Variants in FHIT observed in about 807,000 individuals in gnomAD.
FHIT encodes the protein fragile histidine triad diadenosine triphosphatase.
FHIT carries 19 observed loss-of-function variants against 17.9 expected under a neutral mutation model. The ratio of observed to expected loss-of-function variants is 1.06; its 90% confidence interval spans 0.74 to 1.56. FHIT has a LOEUF of 1.56. FHIT is among the 40% of genes most tolerant of loss of function. The probability of loss-of-function intolerance (pLI) is 0.00; values close to 1 mark genes in which losing one functional copy is unlikely to be tolerated. For synonymous variants in FHIT, 81 were observed against 69.7 expected (o/e 1.16, Z -0.81); for missense variants, 248 against 189.2 (o/e 1.31, Z -1.82).
At chr3:59,857,758 T>C (rs925709248) in intron 8 of FHIT, among the ~76,000 whole-genome samples, 19 of 151,430 alleles carry the variant, frequency 1.3e-4, no homozygotes, top group Admixed American at 3.3e-4. Flanking sequence ...CTTTGTACTA[T>C]TGGTGCCTTG....
chr3:60,398,782 G>A (rs1022631401), intron 5 of FHIT, among the ~76,000 whole-genome samples: 1 of 151,980 alleles, frequency 6.6e-6, no homozygotes, highest in African/African-American at 2.4e-5. Flanking sequence ...TGATTTCATA[G>A]GAGTTAAGAA....
intron 5 of FHIT, among the ~76,000 whole-genome samples, chr3:60,221,821 T>C (rs1703973857): frequency 6.6e-6 from 1 of 152,160 alleles, no homozygotes; most frequent in South Asian, 2.1e-4. Flanking sequence ...CTATCCTATC[T>C]GTAGCAACCA....
chr3:59,951,386 C>G (rs1363790772), intron 7 of FHIT, among the ~76,000 whole-genome samples: 3 of 152,208 alleles, frequency 2.0e-5, no homozygotes, highest in African/African-American at 7.2e-5. Context: ...GAGTTGACAA[C>G]TTTCATGGCC....
intron 4 of FHIT, among the ~76,000 whole-genome samples, chr3:60,620,861 T>C (rs890210793): frequency 3.3e-5 from 5 of 152,104 alleles, no homozygotes; most frequent in Admixed American, 2.0e-4. Flanking sequence ...ACCACACTAA[T>C]GCAAGTGTTA....
chr3:61,019,831 G>C (rs1459501687), intron 3 of FHIT, among the ~76,000 whole-genome samples: 1 of 152,058 alleles, frequency 6.6e-6, no homozygotes, highest in Non-Finnish European at 1.5e-5. Context: ...TAAAAGGAAT[G>C]TCAAGGTAAC....
intron 4 of FHIT, among the ~76,000 whole-genome samples, chr3:60,661,930 G>C (rs1577041432): frequency 6.6e-6 from 1 of 152,116 alleles, no homozygotes; most frequent in Non-Finnish European, 1.5e-5. Context: ...ATTTGTTTGA[G>C]TTCCTTATAG....
intron 5 of FHIT, among the ~76,000 whole-genome samples, chr3:60,023,944 A>T (rs745332972): frequency 1.3e-5 from 2 of 152,004 alleles, no homozygotes; most frequent in African/African-American, 2.4e-5. Context: ...ACCAGTCCAG[A>T]CTCAACTTAC....
intron 5 of FHIT, among the ~76,000 whole-genome samples, chr3:60,162,076 A>G (rs1293028279): frequency 6.6e-6 from 1 of 152,188 alleles, no homozygotes; most frequent in Non-Finnish European, 1.5e-5. Context: ...AAGTATGGAA[A>G]GCCCTAGAAA....
chr3:60,398,037 G>C (rs116554777), intron 5 of FHIT, among the ~76,000 whole-genome samples: 1,665 of 152,106 alleles, frequency 0.011, 25 homozygotes, highest in African/African-American at 0.038. Context: ...TCTTTGCTGA[G>C]AGCTTTCTTT....
At chr3:59,973,941 G>C (rs564237450) in intron 7 of FHIT, among the ~76,000 whole-genome samples, 25 of 151,738 alleles carry the variant, frequency 1.6e-4, no homozygotes, top group African/African-American at 4.8e-4. Context: ...CACAGGGGTA[G>C]TGTGGCATCT....
chr3:60,701,450 T>G (rs2041244821), intron 4 of FHIT, among the ~76,000 whole-genome samples: 1 of 152,098 alleles, frequency 6.6e-6, no homozygotes, highest in Non-Finnish European at 1.5e-5. Flanking sequence ...ATCCAAACTT[T>G]TAAGAATAAT....
intron 5 of FHIT, among the ~76,000 whole-genome samples, chr3:60,460,897 C>A (rs1448584528): frequency 6.6e-6 from 1 of 152,164 alleles, no homozygotes; most frequent in Admixed American, 6.5e-5. Context: ...AGTAGTGAAT[C>A]AACTTAAGTA....
intron 7 of FHIT, among the ~76,000 whole-genome samples, chr3:60,009,074 T>A (rs1218625048): frequency 6.6e-6 from 1 of 152,082 alleles, no homozygotes; most frequent in Non-Finnish European, 1.5e-5. Flanking sequence ...GATACAAAGA[T>A]CGCATTTTGA....
intron 5 of FHIT, among the ~76,000 whole-genome samples, chr3:60,396,424 C>T (rs553455578): frequency 2.3e-4 from 35 of 151,982 alleles, no homozygotes; most frequent in Non-Finnish European, 4.7e-4. Context: ...AATGAGACAG[C>T]GATGAAAAAC....
At chr3:60,252,949 G>C (rs1054994100) in intron 5 of FHIT, among the ~76,000 whole-genome samples, 8 of 152,066 alleles carry the variant, frequency 5.3e-5, no homozygotes, top group African/African-American at 1.9e-4. Context: ...AGTGAGCCGA[G>C]ATAGCGCCAC....
At chr3:59,970,070 T>A (rs774055971) in intron 7 of FHIT, among the ~76,000 whole-genome samples, 1 of 152,062 alleles carries the variant, frequency 6.6e-6, no homozygotes, top group Admixed American at 6.6e-5. Flanking sequence ...AAGTCTCATC[T>A]ATTTCCATTT....
At position 60,441,783 on chromosome 3, in the gene FHIT, A is replaced by AATAT. The variant is rs71092605; in HGVS notation, c.103+95073_103+95076dup. On this transcript the variant is annotated intron_variant, in intron 5 of 9. Transcript: ENST00000492590. ...ATATATATATATTTATATGTATAAA[A>AATAT]ATATATATATATATATATATATATA... 3.3e-3 allele frequency among the ~76,000 whole-genome samples: 78 copies of AATAT among 23,972 alleles called. 1 individual carries two copies. Among genetic ancestry groups the AATAT allele is most frequent in the African/African-American group, 5.5e-3 (74 of 13,478 alleles). The allele number at this position is 23,972 out of a possible 152,430, so 15.7% of individuals were successfully genotyped here. A position where few individuals can be genotyped will look rare whatever the true frequency, so the allele number is the denominator to read the frequency against.
At chr3:60,897,894 C>A (rs1406090665) in intron 3 of FHIT, among the ~76,000 whole-genome samples, 1 of 152,158 alleles carries the variant, frequency 6.6e-6, no homozygotes, top group Non-Finnish European at 1.5e-5. Context: ...CATACTTTCA[C>A]AAAGCAAGAA....
chr3:60,437,277 G>A (rs565401409), intron 5 of FHIT, among the ~76,000 whole-genome samples: 22 of 152,096 alleles, frequency 1.4e-4, no homozygotes, highest in Non-Finnish European at 2.8e-4. Context: ...TGATGTCACT[G>A]AGGCAGAGAG....
Sources: allele counts gnomAD v4.1 joint callset (sites outside exome capture counted in the v4.1 genomes callset), GRCh38; gene constraint gnomAD v4.1.1; transcripts MANE v1.5; gene names NCBI Gene and HGNC (gene_info 2026-07-23, HGNC 2026-07-21).